Variants in CALN1 observed in about 807,000 individuals in gnomAD.
CALN1 encodes the protein calneuron 1.
CALN1 carries 17 observed loss-of-function variants against 30.6 expected under a neutral mutation model. The observed-to-expected ratio is 0.56, with a 90% CI of 0.38 to 0.83. The LOEUF is 0.83. Ranked by LOEUF, CALN1 falls within the 40% of genes least tolerant of loss-of-function variation. The probability of loss-of-function intolerance (pLI) is 0.00; values close to 1 mark genes in which losing one functional copy is unlikely to be tolerated. For synonymous variants in CALN1, 156 were observed against 131.4 expected (o/e 1.19, Z -1.28); for missense variants, 291 against 354.9 (o/e 0.82, Z 1.45).
chr7:72,401,178 G>C (rs1806312034), intron 2 of CALN1, among the ~76,000 whole-genome samples: 3 of 152,192 alleles, frequency 2.0e-5, no homozygotes, highest in African/African-American at 7.2e-5. Context: ...ACAATACCCA[G>C]GCAGTGCTTT....
At chr7:71,847,196 G>A (rs1423710598) in intron 5 of CALN1, among the ~76,000 whole-genome samples, 1 of 151,930 alleles carries the variant, frequency 6.6e-6, no homozygotes, top group East Asian at 1.9e-4. Context: ...AGGTGATATG[G>A]TTTAGCTGTG....
intron 2 of CALN1, among the ~76,000 whole-genome samples, chr7:72,299,689 CTTT>C (rs34296600): frequency 2.5e-5 from 3 of 119,842 alleles, no homozygotes; most frequent in South Asian, 2.8e-4. Flanking sequence ...ATGCTCTTAT[CTTT>C]TTTTTTTTTT....
At chr7:71,870,193 GC>G (rs1489455439) in intron 5 of CALN1, among the ~76,000 whole-genome samples, 2 of 152,128 alleles carry the variant, frequency 1.3e-5, no homozygotes, top group South Asian at 2.1e-4. Context: ...GACCAACCTG[GC>G]CAACACGGTG....
chr7:71,801,998 C>T (rs1787341672), intron 6 of CALN1, among the ~76,000 whole-genome samples: 3 of 151,802 alleles, frequency 2.0e-5, no homozygotes. Context: ...GAAAAAATTG[C>T]CATTCCCTTT....
intron 3 of CALN1, among the ~76,000 whole-genome samples, chr7:72,252,448 T>TA (rs1021254974): frequency 6.6e-6 from 1 of 151,674 alleles, no homozygotes; most frequent in African/African-American, 2.4e-5. Flanking sequence ...AAAAATACAA[T>TA]AAAAAATTAG....
At chr7:72,499,774 T>TTTCTTTCC in the CALN1 span, among the ~76,000 whole-genome samples, 5 of 118,740 alleles carry the variant, frequency 4.2e-5, no homozygotes, top group South Asian at 6.5e-4. Context: ...ACTTTCTTTC[T>TTTCTTTCC]TTCCTTCCTT....
At chr7:71,824,908 C>T (rs1056858122) in intron 5 of CALN1, among the ~76,000 whole-genome samples, 3 of 152,066 alleles carry the variant, frequency 2.0e-5, no homozygotes, top group Non-Finnish European at 4.4e-5. Flanking sequence ...TGGAGTCCTA[C>T]CTACACAGTT....
chr7:71,914,880 CTTTT>C (rs1294928800), intron 5 of CALN1, among the ~76,000 whole-genome samples: 1 of 152,070 alleles, frequency 6.6e-6, no homozygotes, highest in Non-Finnish European at 1.5e-5. Flanking sequence ...CGTTTGCCCA[CTTTT>C]TTATTATGCA....
At chr7:72,329,171 A>G (rs189785698) in intron 2 of CALN1, among the ~76,000 whole-genome samples, 2 of 152,366 alleles carry the variant, frequency 1.3e-5, no homozygotes, top group Non-Finnish European at 2.9e-5. Context: ...AAATCATACT[A>G]TAATTGCAGT....
chr7:72,443,925 A>C (rs3095930), intron 1 of CALN1, among the ~76,000 whole-genome samples: 131,437 of 135,254 alleles, frequency 0.97, 63,889 homozygotes, highest in East Asian at 1. Flanking sequence ...CTCACTGCAA[A>C]CTCCGGGAGG....
chr7:72,052,846 G>A (rs1173375307), intron 4 of CALN1, among the ~76,000 whole-genome samples: 1 of 152,204 alleles, frequency 6.6e-6, no homozygotes, highest in African/African-American at 2.4e-5. Flanking sequence ...AACTTAGAGG[G>A]TGGCCAGGTG....
the CALN1 span, among the ~76,000 whole-genome samples, chr7:72,501,485 G>GGGAAGGAAGGAAGGAT: frequency 6.9e-6 from 1 of 145,252 alleles, no homozygotes; most frequent in Non-Finnish European, 1.5e-5. Context: ...GAAGGAAGGA[G>GGGAAGGAAGGAAGGAT]GGAAGGAAGG....
At chr7:71,942,269 G>A in intron 5 of CALN1, 1 of 204,006 alleles carries the variant, frequency 4.9e-6, no homozygotes, top group Non-Finnish European at 1.1e-5. Flanking sequence ...ATGGACACCA[G>A]CCACGTGCAG....
chr7:72,209,193 C>CCT (rs1253053493), intron 3 of CALN1, among the ~76,000 whole-genome samples: 2 of 129,270 alleles, frequency 1.5e-5, no homozygotes, highest in African/African-American at 3.2e-5. Flanking sequence ...TCCCTCTTTC[C>CCT]TTCCCTCCTT....
chr7:72,306,279 CT>C (rs1799644299), intron 2 of CALN1, among the ~76,000 whole-genome samples: 1 of 152,132 alleles, frequency 6.6e-6, no homozygotes, highest in South Asian at 2.1e-4. Flanking sequence ...ATAGCTAGAT[CT>C]TTTTCTTCCA....
chr7:72,219,310 T>G (rs1265763932), intron 3 of CALN1, among the ~76,000 whole-genome samples: 1 of 152,074 alleles, frequency 6.6e-6, no homozygotes, highest in East Asian at 1.9e-4. Context: ...ACTGTAACCT[T>G]AAAATCCTGG....
chr7:72,085,533 T>C (rs1186021800), intron 4 of CALN1, among the ~76,000 whole-genome samples: 1 of 152,206 alleles, frequency 6.6e-6, no homozygotes, highest in East Asian at 1.9e-4. Flanking sequence ...TTTGGTATTA[T>C]GCACAGTTTA....
At chr7:72,011,345 A>C (rs1800070834) in intron 5 of CALN1, among the ~76,000 whole-genome samples, 1 of 152,014 alleles carries the variant, frequency 6.6e-6, no homozygotes, top group Non-Finnish European at 1.5e-5. Context: ...CACTGACCAG[A>C]GAGTCAGGTG....
rs200853182 is a variant in CALN1, at chr7:72,021,900, G to A, written c.501+1757C>T. Among the ~76,000 whole-genome samples the A allele has an allele frequency of 7.9e-5, 12 of 152,198 alleles. No individual in the cohort carries two copies. In the East Asian group the frequency reaches 1.9e-3, roughly 25 times the overall value. On this transcript the variant is annotated intron_variant, in intron 5 of 6. Coordinates refer to ENST00000395275, the MANE Select transcript of CALN1 (RefSeq NM_031468.4). Reference sequence around the variant, plus strand: ...GGATTCAACCCCACAAGACTTCTCTGTTGCTCCATGATCTGACCCCTGCCA... The same window carrying A: ...GGATTCAACCCCACAAGACTTCTCTATTGCTCCATGATCTGACCCCTGCCA...
Sources: allele counts gnomAD v4.1 joint callset (sites outside exome capture counted in the v4.1 genomes callset), GRCh38; gene constraint gnomAD v4.1.1; transcripts MANE v1.5; gene names NCBI Gene and HGNC (gene_info 2026-07-23, HGNC 2026-07-21).